The following DPYSL2 variants were observed in gnomAD, a reference collection of about 807,000 sequenced individuals.
DPYSL2 encodes the protein dihydropyrimidinase like 2.
In DPYSL2, 13 loss-of-function variants were observed where a neutral mutation model predicts 69.9. The ratio of observed to expected loss-of-function variants is 0.19; its 90% CI spans 0.12 to 0.30. The LOEUF (loss-of-function observed/expected upper bound fraction) is 0.30, where lower values mean the gene tolerates loss of function less well. DPYSL2 is among the 10% of genes least tolerant of loss of function. The probability of loss-of-function intolerance (pLI) is 1.00; values close to 1 mark genes in which losing one functional copy is unlikely to be tolerated. For synonymous variants in DPYSL2, 326 were observed against 359.1 expected, an observed-to-expected ratio of 0.91 and a Z score of 1.04; for missense variants, 587 against 918.9, an observed-to-expected ratio of 0.64 and a Z score of 4.67.
chr8:26,657,955 G>A lies in DPYSL2; in HGVS notation c.*2249G>A, dbSNP rs762758024. 4 of 152,524 alleles carry A rather than the reference G, an allele frequency of 2.6e-5. No homozygotes were observed. Among genetic ancestry groups the A allele is most frequent in the Non-Finnish European group, 5.9e-5 (4 of 68,022 alleles). The allele number at this position is 152,524 out of a possible 1,614,324, so 9.4% of individuals were successfully genotyped here. On this transcript the variant is annotated 3_prime_UTR_variant, in exon 14 of 14. Transcript: ENST00000521913. ...AACAGTGTAGGATTTAAGAATAGAT[G>A]GTTTTTAATCCTGGAAATTGTGATT...
chr8:26,538,487 C>T (rs552735005), intron 1 of DPYSL2, among the ~76,000 whole-genome samples: 40 of 152,166 alleles, frequency 2.6e-4, no homozygotes, highest in Middle Eastern at 3.4e-3. Context: ...AAAAAGGGAG[C>T]GGGAGGACCT....
chr8:26,652,647 G>A lies in DPYSL2; in HGVS notation c.1776+211G>A, dbSNP rs909976036. 1.3e-5 allele frequency among the ~76,000 whole-genome samples: 2 copies of A among 152,090 alleles called. No individual in the cohort carries two copies. The highest frequency in any genetic ancestry group is 4.8e-5 in the African/African-American group (2 of 41,420). The stretch of plus-strand genomic sequence containing the variant: ...GAGAGCCCTAGCAAAGTGAGATCAT[G>A]GTATATGCTATGATAAGGAGTGTGG... On this transcript the variant is annotated intron_variant, in intron 12 of 13. Transcript: ENST00000521913. The surrounding 1 kb of genome is among the most constrained non-coding windows in gnomAD (Gnocchi z 6.3).
At chr8:26,563,854 T>A (rs1801110280) in intron 1 of DPYSL2, among the ~76,000 whole-genome samples, 1 of 151,884 alleles carries the variant, frequency 6.6e-6, no homozygotes, top group Admixed American at 6.6e-5. Flanking sequence ...GATGAGTGAA[T>A]GAATGAATGA....
chr8:26,542,092 T>C (rs1407182929), intron 1 of DPYSL2, among the ~76,000 whole-genome samples: 1 of 152,144 alleles, frequency 6.6e-6, no homozygotes, highest in Non-Finnish European at 1.5e-5. Flanking sequence ...GCTCAAACTA[T>C]GTCTTTAACA....
chr8:26,627,978 C>T lies in DPYSL2; in HGVS notation c.1005+38C>T. The stretch of plus-strand genomic sequence containing the variant: ...CAAGCGGAATGCGTGAATCAGTGTC[C>T]CTTGGGCACTGTGCAGAGCCTCAGG... On this transcript the variant is annotated intron_variant, in intron 7 of 13. Coordinates refer to ENST00000521913, the MANE Select transcript of DPYSL2 (RefSeq NM_001197293.3). The surrounding 1 kb of genome is among the most constrained non-coding windows in gnomAD (Gnocchi z 6.9). 6.2e-7 allele frequency: 1 copy of T among 1,602,112 alleles called. No homozygotes were observed. The highest frequency in any genetic ancestry group is 8.5e-7 in the Non-Finnish European group (1 of 1,174,150).
chr8:26,615,674 G>A (rs1458782320), intron 3 of DPYSL2, among the ~76,000 whole-genome samples: 1 of 152,072 alleles, frequency 6.6e-6, no homozygotes, highest in Non-Finnish European at 1.5e-5. Context: ...ATGGCAATTG[G>A]TCATATTTGA....
intron 1 of DPYSL2, among the ~76,000 whole-genome samples, chr8:26,559,456 A>G (rs1357573383): frequency 6.6e-6 from 1 of 152,246 alleles, no homozygotes; most frequent in Non-Finnish European, 1.5e-5. Flanking sequence ...GTTAATACTT[A>G]GTACAGTATT....
chr8:26,571,798 C>G lies in DPYSL2; in HGVS notation c.355-10171C>G, dbSNP rs911224839. 3.3e-5 allele frequency among the ~76,000 whole-genome samples: 5 copies of G among 152,194 alleles called. No individual in the cohort carries two copies. The highest frequency in any genetic ancestry group is 9.6e-5 in the African/African-American group (4 of 41,458). ...TGACCCTCATTTGTCACCACTGTCA[C>G]TGCTGCTAAAAGGATGCAGCCACAG... On this transcript the variant is annotated intron_variant, in intron 1 of 13. Transcript: ENST00000521913. The surrounding 1 kb of genome is among the most constrained non-coding windows in gnomAD (Gnocchi z 6.1).
At chr8:26,636,599 C>T (rs1437707965) in intron 8 of DPYSL2, among the ~76,000 whole-genome samples, 1 of 152,080 alleles carries the variant, frequency 6.6e-6, no homozygotes, top group African/African-American at 2.4e-5. Context: ...GTGGGCCAGC[C>T]CTGCCGCAGG....
At chr8:26,535,701 T>A (rs1390596730) in intron 1 of DPYSL2, among the ~76,000 whole-genome samples, 3 of 151,894 alleles carry the variant, frequency 2.0e-5, no homozygotes, top group Non-Finnish European at 4.4e-5. Context: ...CTAATTATTA[T>A]CTACTTAGAT....
intron 10 of DPYSL2, among the ~76,000 whole-genome samples, chr8:26,646,362 G>A (rs1803164363): frequency 6.6e-6 from 1 of 152,160 alleles, no homozygotes; most frequent in Non-Finnish European, 1.5e-5. Flanking sequence ...CAGAAAGTTT[G>A]TACTGCTTTA....
In DPYSL2 at chr8:26,619,051, C is replaced by T. The variant is rs1802423455; in HGVS notation, c.629-5092C>T. Among the ~76,000 whole-genome samples, 1 of 152,138 alleles carries T rather than the reference C, an allele frequency of 6.6e-6. No individual in the cohort carries two copies. The highest frequency in any genetic ancestry group is 2.4e-5 in the African/African-American group (1 of 41,440). Reference sequence around the variant, plus strand: ...TGCAGCAAAAACTAGAATTTGGGGGCTCCTTGACCCCCAAGCCTATTCTCT... The same window carrying T: ...TGCAGCAAAAACTAGAATTTGGGGGTTCCTTGACCCCCAAGCCTATTCTCT... On this transcript the variant is annotated intron_variant, in intron 3 of 13. Coordinates refer to ENST00000521913, the MANE Select transcript of DPYSL2 (RefSeq NM_001197293.3). The surrounding 1 kb of genome is among the most constrained non-coding windows in gnomAD (Gnocchi z 4.8).
At position 26,598,912 on chromosome 8, in the gene DPYSL2, G is replaced by A. The variant is rs904446811; in HGVS notation, c.628+14929G>A. Among the ~76,000 whole-genome samples, 20 of 152,344 alleles carry A rather than the reference G, an allele frequency of 1.3e-4. No homozygotes were observed. The highest frequency in any genetic ancestry group is 4.1e-4 in the African/African-American group (17 of 41,580). ...CTTCTGTGCCTTTTCCCCACTGTGCGTATTCTTAGCTGCGCAAGTGTCGTG... is the reference window on the plus strand; with the variant it reads ...CTTCTGTGCCTTTTCCCCACTGTGCATATTCTTAGCTGCGCAAGTGTCGTG... On this transcript the variant is annotated intron_variant, in intron 3 of 13. Transcript: ENST00000521913. The surrounding 1 kb of genome is among the most constrained non-coding windows in gnomAD (Gnocchi z 4.2).
chr8:26,622,016 T>C (rs1427445096), intron 3 of DPYSL2, among the ~76,000 whole-genome samples: 1 of 152,142 alleles, frequency 6.6e-6, no homozygotes, highest in African/African-American at 2.4e-5. Flanking sequence ...GGGGAGTGGG[T>C]AGGGAGATTC....
At chr8:26,540,704 G>A (rs1048020428) in intron 1 of DPYSL2, among the ~76,000 whole-genome samples, 2 of 152,080 alleles carry the variant, frequency 1.3e-5, no homozygotes, top group African/African-American at 4.8e-5. Context: ...TTGGGAGTTC[G>A]AGACCAGCCT....
In DPYSL2 at chr8:26,621,070, T is replaced by G. The variant is rs922521402; in HGVS notation, c.629-3073T>G. Among the ~76,000 whole-genome samples, 1 of 152,262 alleles carries G rather than the reference T, an allele frequency of 6.6e-6. No individual in the cohort carries two copies. The highest frequency in any genetic ancestry group is 6.5e-5 in the Admixed American group (1 of 15,292). ...TTATCTTGCATTACTCTTTCTGGTT[T>G]ATCACATTTTCTTGTATTTTATGTA... is the stretch of plus-strand genomic sequence containing the variant. On this transcript the variant is annotated intron_variant, in intron 3 of 13. Coordinates refer to ENST00000521913, the MANE Select transcript of DPYSL2 (RefSeq NM_001197293.3). This position sits in a 1 kb window ranked among gnomAD's most constrained non-coding sequence, Gnocchi z 4.9.
intron 3 of DPYSL2, among the ~76,000 whole-genome samples, chr8:26,607,870 G>T (rs1802140796): frequency 6.6e-6 from 1 of 151,994 alleles, no homozygotes; most frequent in African/African-American, 2.4e-5. Context: ...ACAAGGTCAG[G>T]AGATCGAGAC....
Position 26,619,458 on chromosome 8 carries a change from A to C in DPYSL2, c.629-4685A>C, listed in dbSNP as rs888105308. The C allele has an allele frequency of 1.7e-4, 26 of 152,192 alleles. No individual in the cohort carries two copies. The highest frequency in any genetic ancestry group is 1.6e-3 in the Admixed American group (25 of 15,282). The allele number at this position is 152,192 out of a possible 1,614,324, so 9.4% of individuals were successfully genotyped here. A position where few individuals can be genotyped will look rare whatever the true frequency, so the allele number is the denominator to read the frequency against. Reference sequence around the variant, plus strand: ...TTTGGATATGCAAGGAAGCCATGGGATTGCAGCCAGGGAACATGCTATTTT... The same window carrying C: ...TTTGGATATGCAAGGAAGCCATGGGCTTGCAGCCAGGGAACATGCTATTTT... On this transcript the variant is annotated intron_variant, in intron 3 of 13. Transcript: ENST00000521913. This position sits in a 1 kb window ranked among gnomAD's most constrained non-coding sequence, Gnocchi z 4.8.
At chr8:26,561,938 TGG>T (rs2129663937) in intron 1 of DPYSL2, among the ~76,000 whole-genome samples, 1 of 152,280 alleles carries the variant, frequency 6.6e-6, no homozygotes, top group Non-Finnish European at 1.5e-5. Context: ...GCCCAGGGGT[TGG>T]GGACCCCTGC....
Sources: gnomAD v4.1 joint callset for allele counts (sites outside exome capture counted in the v4.1 genomes callset) on GRCh38, gnomAD v4.1.1 for gene constraint, Gnocchi (gnomAD v3.1) non-coding constraint, MANE v1.5 for transcripts, NCBI Gene and HGNC (gene_info 2026-07-23, HGNC 2026-07-21) for gene names.